CACHD1: variants seen among roughly 807,000 people sequenced by gnomAD.
CACHD1 encodes cache domain containing 1.
Under a neutral mutation model 138.7 loss-of-function variants are expected in CACHD1, and 71 were observed. The observed-to-expected ratio is 0.51, with a 90% CI of 0.42 to 0.62. CACHD1 has a LOEUF of 0.62. Among genes scored for constraint, CACHD1 ranks in the 20% least tolerant of loss-of-function variants. CACHD1 has a pLI of 0.00. For synonymous variants in CACHD1, 578 were observed against 591.5 expected (o/e 0.98, Z 0.33); for missense variants, 1,389 against 1,625.3 (o/e 0.85, Z 2.50).
chr1:64,628,041 A>G (rs564233115), intron 4 of CACHD1, among the ~76,000 whole-genome samples: 6 of 152,338 alleles, frequency 3.9e-5, no homozygotes, highest in East Asian at 1.9e-4. Context: ...AGTTTCTTCA[A>G]TGCAATCTGA....
At chr1:64,677,110 A>G (rs1348977251) in intron 22 of CACHD1, 99 bp downstream of exon 22, 15 of 926,262 alleles carry the variant, frequency 1.6e-5, no homozygotes, top group Non-Finnish European at 2.4e-5. Flanking sequence ...CAGATCTGAA[A>G]CTGATTTCCA....
chr1:64,691,256 T>A, intron 26 of CACHD1, 67 bp from the exon 27 acceptor site: 1 of 1,457,388 alleles, frequency 6.9e-7, no homozygotes, highest in South Asian at 1.2e-5. Flanking sequence ...CCCTAGAAAT[T>A]GTAGGTGAAA....
At chr1:64,479,225 A>T (rs1646195174) in intron 1 of CACHD1, among the ~76,000 whole-genome samples, 1 of 152,236 alleles carries the variant, frequency 6.6e-6, no homozygotes, top group Non-Finnish European at 1.5e-5. Context: ...TAATGACTTC[A>T]ACACAGATGA....
At chr1:64,632,782 T>G in intron 6 of CACHD1, 39 bp downstream of exon 6, 6 of 1,610,092 alleles carry the variant, frequency 3.7e-6, no homozygotes, top group Non-Finnish European at 5.1e-6. Context: ...CATCAGGTTC[T>G]CCTTGAATGC....
In CACHD1 at chr1:64,602,063, A is replaced by G. The variant is rs549230476; in HGVS notation, c.411-743A>G. On this transcript the variant is annotated intron_variant, in intron 3 of 26. Coordinates refer to ENST00000651257, the MANE Select transcript of CACHD1 (RefSeq NM_020925.4). Reference sequence around the variant, plus strand: ...GCTATAGCAATGGATCATTGATTCCACTAATATTTATTGATAAGCTACTAG... The same window carrying G: ...GCTATAGCAATGGATCATTGATTCCGCTAATATTTATTGATAAGCTACTAG... Among the ~76,000 whole-genome samples the G allele has an allele frequency of 2.0e-5, 3 of 152,306 alleles. No homozygotes were observed. The South Asian group carries it at 6.2e-4, about 32-fold the overall frequency.
intron 26 of CACHD1, among the ~76,000 whole-genome samples, chr1:64,684,282 G>A (rs1457951131): frequency 1.3e-5 from 2 of 149,382 alleles, no homozygotes; most frequent in Non-Finnish European, 3.0e-5. Context: ...GATCTCATTT[G>A]TGGTAAAAAT....
intron 26 of CACHD1, among the ~76,000 whole-genome samples, chr1:64,682,705 A>T (rs917800554): frequency 2.6e-4 from 39 of 152,212 alleles, no homozygotes; most frequent in Middle Eastern, 6.8e-3. Context: ...AGAGGCGCCG[A>T]GTGCTAGGTA....
chr1:64,475,667 C>T (rs948213770), intron 1 of CACHD1, among the ~76,000 whole-genome samples: 2 of 152,142 alleles, frequency 1.3e-5, no homozygotes, highest in African/African-American at 2.4e-5. Flanking sequence ...CTGCCTCAGC[C>T]TCCTGAGTAG....
chr1:64,670,594 C>A (rs1649780392), intron 16 of CACHD1, among the ~76,000 whole-genome samples: 1 of 152,152 alleles, frequency 6.6e-6, no homozygotes, highest in African/African-American at 2.4e-5. Flanking sequence ...AGTGAGAAGT[C>A]CACACTTCTG....
chr1:64,527,085 G>A (rs1036610357), intron 1 of CACHD1, among the ~76,000 whole-genome samples: 4 of 152,200 alleles, frequency 2.6e-5, no homozygotes, highest in Non-Finnish European at 5.9e-5. Flanking sequence ...AGACAGCATT[G>A]CTTTTTAAGG....
chr1:64,683,935 C>T (rs1213139756), intron 26 of CACHD1, among the ~76,000 whole-genome samples: 10 of 152,214 alleles, frequency 6.6e-5, no homozygotes, highest in Admixed American at 3.3e-4. Flanking sequence ...GTTTTGTTGG[C>T]ACACTTCTTG....
chr1:64,550,449 G>T, intron 1 of CACHD1, 145 bp from the exon 2 acceptor site: 1 of 583,570 alleles, frequency 1.7e-6, no homozygotes, highest in Non-Finnish European at 3.0e-6. Context: ...GCTGATACTT[G>T]GGTTTCTCTC....
chr1:64,492,733 G>A (rs1570302232), intron 1 of CACHD1, among the ~76,000 whole-genome samples: 1 of 152,108 alleles, frequency 6.6e-6, no homozygotes, highest in Admixed American at 6.5e-5. Flanking sequence ...TTGTCTTCTG[G>A]CACAAAGGTG....
intron 5 of CACHD1, among the ~76,000 whole-genome samples, chr1:64,630,135 G>A (rs901809633): frequency 6.6e-6 from 1 of 152,166 alleles, no homozygotes; most frequent in Non-Finnish European, 1.5e-5. Context: ...TGTTTGCAGT[G>A]TTAGATGTTT....
Position 64,470,855 on chromosome 1 carries a change from C to T in CACHD1, c.111C>T (p.Ala37=), listed in dbSNP as rs199600604. 6.4e-5 allele frequency: 102 copies of T among 1,598,544 alleles called. 1 individual carries two copies. The East Asian group carries it at 2.2e-3, about 34-fold the overall frequency. Residue 37 remains alanine, a synonymous_variant, in exon 1 of 27, where the codon GCC becomes GCT. Transcript: ENST00000651257. This position sits in a 1 kb window ranked among gnomAD's most constrained non-coding sequence, Gnocchi z 5.2. ...GGCTCCTGGGCGCCGGGGCCGAAGC[C>T]GACTTCTCCATCCTGGACGAGGCGC... ...ACWLLGAGAE[A]DFSILDEAQV...
At chr1:64,627,198 C>T (rs1648130126) in intron 4 of CACHD1, among the ~76,000 whole-genome samples, 1 of 151,912 alleles carries the variant, frequency 6.6e-6, no homozygotes, top group Admixed American at 6.6e-5. Context: ...CTTGAGGCCA[C>T]GAATTTGAGG....
At chr1:64,601,937 C>T (rs1171015948) in intron 3 of CACHD1, among the ~76,000 whole-genome samples, 4 of 152,184 alleles carry the variant, frequency 2.6e-5, no homozygotes, top group Admixed American at 1.3e-4. Context: ...AGATCCTTCA[C>T]TTTTGTTACT....
At chr1:64,576,658 T>C (rs1248078920) in intron 2 of CACHD1, among the ~76,000 whole-genome samples, 2 of 152,156 alleles carry the variant, frequency 1.3e-5, no homozygotes, top group Non-Finnish European at 2.9e-5. Flanking sequence ...TCCATATGCC[T>C]CAGTTTCTTC....
intron 1 of CACHD1, among the ~76,000 whole-genome samples, chr1:64,532,133 G>A (rs1260319195): frequency 6.6e-6 from 1 of 152,188 alleles, no homozygotes; most frequent in Non-Finnish European, 1.5e-5. Flanking sequence ...GAGTCTTAAT[G>A]ATAAAACTTA....
Sources: allele counts gnomAD v4.1 joint callset (sites outside exome capture counted in the v4.1 genomes callset), GRCh38; gene constraint gnomAD v4.1.1; non-coding constraint Gnocchi (gnomAD v3.1); transcripts MANE v1.5; gene names NCBI Gene and HGNC (gene_info 2026-07-23, HGNC 2026-07-21).